ZMIZ1: variants seen among roughly 807,000 people sequenced by gnomAD.
ZMIZ1 encodes the protein zinc finger MIZ-type containing 1.
A neutral mutation model predicts 113.9 loss-of-function variants in ZMIZ1; 17 were observed. The ratio of observed to expected loss-of-function variants is 0.15; its 90% CI spans 0.10 to 0.22. The LOEUF is 0.22. Among genes scored for constraint, ZMIZ1 ranks in the 10% least tolerant of loss-of-function variants. The pLI is 1.00. For synonymous variants in ZMIZ1, 607 were observed against 603.1 expected (o/e 1.01, Z -0.09); for missense variants, 1,059 against 1,477.8 (o/e 0.72, Z 4.65).
At chr10:79,136,292 A>T (rs1047108217) in intron 2 of ZMIZ1, among the ~76,000 whole-genome samples, 3 of 152,234 alleles carry the variant, frequency 2.0e-5, no homozygotes, top group African/African-American at 7.2e-5. Flanking sequence ...TCCTTGGGGC[A>T]GGCCCAGCTC....
At chr10:79,169,353 T>A (rs1283196744) in intron 4 of ZMIZ1, among the ~76,000 whole-genome samples, 2 of 152,214 alleles carry the variant, frequency 1.3e-5, no homozygotes, top group Non-Finnish European at 2.9e-5. Context: ...CCCAGTTGCC[T>A]CCTGCCCGGC....
chr10:79,277,930 G>T (rs900047756), intron 8 of ZMIZ1, among the ~76,000 whole-genome samples: 1 of 152,204 alleles, frequency 6.6e-6, no homozygotes, highest in Non-Finnish European at 1.5e-5. Context: ...TGAGCGCTCT[G>T]CAGGCTGACC....
chr10:79,122,345 C>T (rs907663348), intron 2 of ZMIZ1, among the ~76,000 whole-genome samples: 1 of 152,154 alleles, frequency 6.6e-6, no homozygotes, highest in Admixed American at 6.5e-5. Context: ...CTTTCCGTCA[C>T]GTAGTGATGT....
intron 1 of ZMIZ1, among the ~76,000 whole-genome samples, chr10:79,083,104 A>G (rs1247553841): frequency 6.6e-6 from 1 of 152,274 alleles, no homozygotes; most frequent in Non-Finnish European, 1.5e-5. Flanking sequence ...GACAGTCAGC[A>G]GGTCAACAAC....
intron 4 of ZMIZ1, among the ~76,000 whole-genome samples, chr10:79,198,831 C>T (rs1250562): frequency 0.26 from 38,984 of 151,838 alleles, 5,606 homozygotes; most frequent in Non-Finnish European, 0.35. Flanking sequence ...GTCGGGAGTT[C>T]GAGACCAGCC....
chr10:79,245,689 C>T (rs542832549), intron 7 of ZMIZ1, among the ~76,000 whole-genome samples: 30 of 152,248 alleles, frequency 2.0e-4, no homozygotes, highest in African/African-American at 6.7e-4. Flanking sequence ...AAGTCCTGCC[C>T]GGGGCTTCCT....
At chr10:79,123,181 G>A (rs1478606260) in intron 2 of ZMIZ1, among the ~76,000 whole-genome samples, 2 of 152,188 alleles carry the variant, frequency 1.3e-5, no homozygotes, top group Non-Finnish European at 2.9e-5. Flanking sequence ...ATGACAAACT[G>A]TTCCATATGG....
At chr10:79,181,812 T>C (rs1195263509) in intron 4 of ZMIZ1, among the ~76,000 whole-genome samples, 8 of 152,192 alleles carry the variant, frequency 5.3e-5, no homozygotes, top group Admixed American at 5.2e-4. Context: ...GTCCCCGTCA[T>C]TGACCTCCCC....
In ZMIZ1 at chr10:79,276,125, G is replaced by A. The variant is rs569508770; in HGVS notation, c.281-1056G>A. On this transcript the variant is annotated intron_variant, in intron 7 of 24. Coordinates refer to ENST00000334512, the MANE Select transcript of ZMIZ1 (RefSeq NM_020338.4). Reference sequence around the variant, plus strand: ...CCACAGACCCAGCAGGCCCCCATCCGTCCCTCCCTGCAGCCTGGGAGGAAG... The same window carrying A: ...CCACAGACCCAGCAGGCCCCCATCCATCCCTCCCTGCAGCCTGGGAGGAAG... 3.3e-4 allele frequency among the ~76,000 whole-genome samples: 51 copies of A among 152,260 alleles called. No homozygotes were observed. The South Asian group carries it at 5.2e-3, about 15-fold the overall frequency.
At chr10:79,290,923 TAGCA>T (rs753616472) in intron 9 of ZMIZ1, 32 bp from the exon 10 acceptor site, 2 of 1,607,670 alleles carry the variant, frequency 1.2e-6, no homozygotes, top group South Asian at 2.2e-5. Flanking sequence ...CTGCCTCGGG[TAGCA>T]CCTTAGGTGA....
intron 7 of ZMIZ1, among the ~76,000 whole-genome samples, chr10:79,267,887 AAC>A (rs1851701042): frequency 6.6e-6 from 1 of 152,166 alleles, no homozygotes; most frequent in Non-Finnish European, 1.5e-5. Context: ...TGTTGACTCA[AAC>A]CCCTGTGTCT....
chr10:79,144,771 A>G (rs931149304), intron 3 of ZMIZ1, among the ~76,000 whole-genome samples: 3 of 152,220 alleles, frequency 2.0e-5, no homozygotes, highest in Admixed American at 2.0e-4. Flanking sequence ...TTTAACTTCA[A>G]TCAAGTTTCT....
At chr10:79,256,531 C>G (rs960559749) in intron 7 of ZMIZ1, among the ~76,000 whole-genome samples, 1 of 152,248 alleles carries the variant, frequency 6.6e-6, no homozygotes, top group African/African-American at 2.4e-5. Flanking sequence ...GGCGGCCACT[C>G]CAGGGAGGGA....
chr10:79,238,995 G>A (rs976963344), intron 7 of ZMIZ1, among the ~76,000 whole-genome samples: 12 of 152,158 alleles, frequency 7.9e-5, no homozygotes, highest in African/African-American at 2.9e-4. Context: ...GAGGTCTGGT[G>A]GGGATGCCTG....
intron 1 of ZMIZ1, among the ~76,000 whole-genome samples, chr10:79,084,378 G>A (rs964824786): frequency 6.6e-6 from 1 of 152,196 alleles, no homozygotes; most frequent in Non-Finnish European, 1.5e-5. Context: ...GCACAGAGGA[G>A]GGAACAAAAA....
At chr10:79,238,143 C>T (rs573824599) in intron 7 of ZMIZ1, among the ~76,000 whole-genome samples, 9 of 152,192 alleles carry the variant, frequency 5.9e-5, no homozygotes, top group East Asian at 1.9e-4. Context: ...GTCTGGTTCA[C>T]GTGCCCCCTC....
At chr10:79,210,098 G>A (rs1848475547) in intron 6 of ZMIZ1, among the ~76,000 whole-genome samples, 1 of 152,242 alleles carries the variant, frequency 6.6e-6, no homozygotes, top group African/African-American at 2.4e-5. Flanking sequence ...TCTGGTTCCA[G>A]GCTAAGCCAT....
At chr10:79,086,599 G>A (rs946520399) in intron 1 of ZMIZ1, among the ~76,000 whole-genome samples, 1 of 151,984 alleles carries the variant, frequency 6.6e-6, no homozygotes, top group African/African-American at 2.4e-5. Context: ...CTGCAGTCTC[G>A]AACTCCTGGA....
rs1474078576 is a variant in ZMIZ1, at chr10:79,137,727, C to CTGTACTAGACCCATCTCTCTCCCA, written c.-226-1933_-226-1932insCATGTACTAGACCCATCTCTCTCC. ...AGGGCTAGGGGTGAGCAGGGGAAGG[C>CTGTACTAGACCCATCTCTCTCCCA]TGTACTAGACCCATCTCTCTCCGAG... is the stretch of plus-strand genomic sequence containing the variant. On this transcript the variant is annotated intron_variant, in intron 2 of 24. Transcript: ENST00000334512. Among the ~76,000 whole-genome samples, 4 of 152,202 alleles carry CTGTACTAGACCCATCTCTCTCCCA rather than the reference C, an allele frequency of 2.6e-5. No individual in the cohort carries two copies. In the East Asian group the frequency reaches 5.8e-4, roughly 22 times the overall value.
Sources: allele counts gnomAD v4.1 joint callset (sites outside exome capture counted in the v4.1 genomes callset), GRCh38; gene constraint gnomAD v4.1.1; transcripts MANE v1.5; gene names NCBI Gene and HGNC (gene_info 2026-07-23, HGNC 2026-07-21).